The following TRDN variants were observed in gnomAD, a reference collection of about 807,000 sequenced individuals.
The protein encoded by TRDN is triadin in skeletal muscle.
Under a neutral mutation model 149.7 loss-of-function variants are expected in TRDN, and 161 were observed. The ratio of observed to expected loss-of-function variants is 1.08; its 90% confidence interval spans 0.95 to 1.23. TRDN has a LOEUF of 1.23. Ranked by LOEUF, TRDN falls within the 50% of genes most tolerant of loss-of-function variation. The pLI is 0.00. For missense variants in TRDN, 896 were observed against 823.5 expected (o/e 1.09, Z -1.08); for synonymous variants, 294 against 250.5 (o/e 1.17, Z -1.64).
chr6:123,226,629 G>A (rs1377420559), intron 38 of TRDN, among the ~76,000 whole-genome samples: 1 of 151,808 alleles, frequency 6.6e-6, no homozygotes, highest in Non-Finnish European at 1.5e-5. Flanking sequence ...GCAAACCTAG[G>A]ACAGTTGCTA....
chr6:123,472,678 C>A (rs1777239713), intron 9 of TRDN, among the ~76,000 whole-genome samples: 1 of 151,534 alleles, frequency 6.6e-6, no homozygotes. Flanking sequence ...ACTTAAATGT[C>A]CCTGTCTGAC....
chr6:123,577,656 C>A lies in TRDN; in HGVS notation c.23-6524G>T, dbSNP rs573231206. The stretch of plus-strand genomic sequence containing the variant: ...TAATTTCTATTTCTCTAAGCATAGA[C>A]CCAGTATGGGATTGCTGGGTTGAAT... On this transcript the variant is annotated intron_variant, in intron 1 of 40. Transcript: ENST00000334268. Among the ~76,000 whole-genome samples the A allele has an allele frequency of 1.0e-3, 157 of 152,216 alleles. 5 individuals are homozygous for A. The highest frequency in any genetic ancestry group is 0.01 in the Admixed American group (156 of 15,268).
chr6:123,266,970 G>A (rs1777030440), intron 32 of TRDN, among the ~76,000 whole-genome samples: 1 of 148,750 alleles, frequency 6.7e-6, no homozygotes, highest in South Asian at 2.1e-4. Context: ...AGCTGGGCAT[G>A]GTGGCAGGAG....
Position 123,273,072 on chromosome 6 carries a change from G to A in TRDN, c.1625-61C>T, listed in dbSNP as rs531233884. 4,455 of 1,142,982 alleles carry A rather than the reference G, an allele frequency of 3.9e-3. 10 individuals are homozygous for A. The highest frequency in any genetic ancestry group is 5.7e-3 in the Middle Eastern group (28 of 4,950). The allele number at this position is 1,142,982 out of a possible 1,614,324, so 70.8% of individuals were successfully genotyped here. On this transcript the variant is annotated intron_variant, in intron 28 of 40. Coordinates refer to ENST00000334268, the MANE Select transcript of TRDN (RefSeq NM_006073.4). The stretch of plus-strand genomic sequence containing the variant: ...TTAGAAGCTGGGAAAATAGCTAGCA[G>A]ATTTTAGCAAATGTGCCCATAGAGA...
At chr6:123,376,244 ATGCG>A in intron 18 of TRDN, among the ~76,000 whole-genome samples, 1 of 152,242 alleles carries the variant, frequency 6.6e-6, no homozygotes, top group African/African-American at 2.4e-5. Context: ...TTCTTCTTAC[ATGCG>A]TAAGTGAGAA....
intron 4 of TRDN, among the ~76,000 whole-genome samples, chr6:123,538,780 C>T (rs1379889502): frequency 6.6e-6 from 1 of 152,060 alleles, no homozygotes; most frequent in African/African-American, 2.4e-5. Flanking sequence ...AATAAATATA[C>T]TAAGATGATA....
chr6:123,511,240 C>T (rs1282095312), intron 7 of TRDN, among the ~76,000 whole-genome samples: 1 of 152,010 alleles, frequency 6.6e-6, no homozygotes, highest in East Asian at 1.9e-4. Flanking sequence ...CTGTCCTTTC[C>T]TCAATATATG....
intron 12 of TRDN, among the ~76,000 whole-genome samples, chr6:123,437,805 C>T (rs1433971789): frequency 6.6e-6 from 1 of 152,078 alleles, no homozygotes; most frequent in Non-Finnish European, 1.5e-5. Flanking sequence ...CCCATACCAG[C>T]CATTACAAAC....
intron 1 of TRDN, among the ~76,000 whole-genome samples, chr6:123,604,704 C>A (rs1784443781): frequency 6.6e-6 from 1 of 151,926 alleles, no homozygotes; most frequent in Non-Finnish European, 1.5e-5. Context: ...ACAGTGTCTG[C>A]AGGACTTAAA....
intron 7 of TRDN, chr6:123,509,769 T>G (rs1285581777): frequency 6.6e-6 from 1 of 152,158 alleles, no homozygotes; most frequent in Admixed American, 6.6e-5. Flanking sequence ...GTGGTAATGC[T>G]TTACAAAGCA....
At chr6:123,580,161 G>A (rs900041594) in intron 1 of TRDN, among the ~76,000 whole-genome samples, 4 of 151,988 alleles carry the variant, frequency 2.6e-5, no homozygotes, top group African/African-American at 4.8e-5. Flanking sequence ...TGGTCAGTAG[G>A]GTACTTGTTA....
chr6:123,250,351 A>G (rs1328558103), intron 38 of TRDN, among the ~76,000 whole-genome samples: 3 of 152,066 alleles, frequency 2.0e-5, no homozygotes, highest in African/African-American at 7.2e-5. Flanking sequence ...AAAGAGAAAC[A>G]AATGACTGAA....
At chr6:123,376,874 T>C (rs1319301724) in intron 18 of TRDN, among the ~76,000 whole-genome samples, 1 of 151,902 alleles carries the variant, frequency 6.6e-6, no homozygotes, top group African/African-American at 2.4e-5. Flanking sequence ...CATAAGGTTA[T>C]GATCACCCAT....
intron 1 of TRDN, among the ~76,000 whole-genome samples, chr6:123,578,737 C>T (rs1215827980): frequency 2.0e-5 from 3 of 152,126 alleles, no homozygotes; most frequent in African/African-American, 7.2e-5. Flanking sequence ...CTATAAATTG[C>T]CTTGGGCAGT....
At chr6:123,219,760 G>A (rs1315202980) in intron 40 of TRDN, among the ~76,000 whole-genome samples, 2 of 151,766 alleles carry the variant, frequency 1.3e-5, no homozygotes, top group East Asian at 2.0e-4. Context: ...TCTTCAAACC[G>A]AAGCAATAAT....
At chr6:123,594,985 A>C (rs1409564668) in intron 1 of TRDN, among the ~76,000 whole-genome samples, 1 of 151,904 alleles carries the variant, frequency 6.6e-6, no homozygotes, top group Non-Finnish European at 1.5e-5. Flanking sequence ...GTGGTATGCA[A>C]ATAGCGTTAA....
intron 12 of TRDN, among the ~76,000 whole-genome samples, chr6:123,432,473 AC>A (rs1163687798): frequency 1.3e-5 from 2 of 152,018 alleles, no homozygotes; most frequent in African/African-American, 2.4e-5. Context: ...TACTCATCAA[AC>A]TATAATTTCT....
intron 34 of TRDN, among the ~76,000 whole-genome samples, 184 bp from the exon 35 acceptor site, chr6:123,259,846 C>A (rs537483264): frequency 4.4e-4 from 66 of 150,454 alleles, no homozygotes; most frequent in Non-Finnish European, 7.8e-4. Flanking sequence ...GTCAAAATTT[C>A]TCCTCCTCCT....
intron 38 of TRDN, among the ~76,000 whole-genome samples, chr6:123,225,335 ATTTG>A (rs1412640950): frequency 6.6e-6 from 1 of 151,796 alleles, no homozygotes; most frequent in African/African-American, 2.4e-5. Flanking sequence ...TTCCTCAAAA[ATTTG>A]TTTGTTTATT....
Sources: gnomAD v4.1 joint callset for allele counts (sites outside exome capture counted in the v4.1 genomes callset) on GRCh38, gnomAD v4.1.1 for gene constraint, MANE v1.5 for transcripts, NCBI Gene and HGNC (gene_info 2026-07-23, HGNC 2026-07-21) for gene names.